Variants in NTNG1 observed in about 807,000 individuals in gnomAD.
NTNG1 encodes the protein netrin-G1.
Under a neutral mutation model 54.0 loss-of-function variants are expected in NTNG1, and 16 were observed. That is an observed-to-expected ratio of 0.30 (90% CI 0.20 to 0.45). The LOEUF (loss-of-function observed/expected upper bound fraction) is 0.45. Among genes scored for constraint, NTNG1 ranks in the 20% least tolerant of loss-of-function variants. The pLI is 1.00. For missense variants in NTNG1, 530 were observed against 678.7 expected (o/e 0.78, Z 2.43); for synonymous variants, 255 against 263.1 (o/e 0.97, Z 0.30).
At chr1:107,286,620 A>C (rs541482944) in intron 2 of NTNG1, among the ~76,000 whole-genome samples, 1 of 152,324 alleles carries the variant, frequency 6.6e-6, no homozygotes, top group East Asian at 1.9e-4. Flanking sequence ...GAATTATTTA[A>C]TAAATGGGTG....
intron 3 of NTNG1, among the ~76,000 whole-genome samples, chr1:107,340,544 G>A (rs901486121): frequency 2.6e-5 from 4 of 152,050 alleles, no homozygotes; most frequent in Admixed American, 6.6e-5. Flanking sequence ...TTGATTATTT[G>A]CTGCTTTCCT....
At position 107,324,763 on chromosome 1, in the gene NTNG1, T is replaced by C; in HGVS notation, c.728T>C (p.Leu243Pro). Residue 243 changes from leucine (L) to proline (P), a missense_variant, in exon 3 of 8, where the codon CTC becomes CCC. By Grantham distance (98) the Leu-to-Pro change is moderately conservative. Coordinates refer to ENST00000370068, the MANE Select transcript of NTNG1 (RefSeq NM_001113226.3). ...AGPRLRNMASLYGQLDTTKKL... is the reference protein window; with the variant it reads ...AGPRLRNMASPYGQLDTTKKL... Reference sequence around the variant, plus strand: ...CCTCGCCTACGCAATATGGCTTCCCTCTACGGACAGCTGGATACAACCAAG... The same window carrying C: ...CCTCGCCTACGCAATATGGCTTCCCCCTACGGACAGCTGGATACAACCAAG... 6.2e-7 allele frequency: 1 copy of C among 1,613,626 alleles called. No homozygotes were observed. The highest frequency in any genetic ancestry group is 8.5e-7 in the Non-Finnish European group (1 of 1,179,778).
intron 2 of NTNG1, among the ~76,000 whole-genome samples, chr1:107,321,084 C>T (rs1178388628): frequency 6.6e-6 from 1 of 152,042 alleles, no homozygotes; most frequent in African/African-American, 2.4e-5. Flanking sequence ...CTCTGACTTC[C>T]CAAAATAAAA....
At chr1:107,443,766 G>A (rs1048235166) in intron 7 of NTNG1, among the ~76,000 whole-genome samples, 2 of 152,026 alleles carry the variant, frequency 1.3e-5, no homozygotes, top group Non-Finnish European at 2.9e-5. Flanking sequence ...CTACAAGTTG[G>A]TCTCATCAAT....
intron 2 of NTNG1, among the ~76,000 whole-genome samples, chr1:107,174,762 C>G (rs1276042875): frequency 6.6e-6 from 1 of 150,570 alleles, no homozygotes; most frequent in Non-Finnish European, 1.5e-5. Context: ...TTTTAGTTGT[C>G]TACCTAATTT....
intron 1 of NTNG1, among the ~76,000 whole-genome samples, chr1:107,142,046 A>C (rs1653770067): frequency 6.6e-6 from 1 of 152,116 alleles, no homozygotes; most frequent in Admixed American, 6.5e-5. Context: ...GGGAAATTGA[A>C]AGAGGAAGAC....
At chr1:107,389,976 G>A (rs1672266402) in intron 3 of NTNG1, among the ~76,000 whole-genome samples, 2 of 152,188 alleles carry the variant, frequency 1.3e-5, no homozygotes, top group Non-Finnish European at 1.5e-5. Context: ...GAGGCCGGAG[G>A]TCACAGCACC....
chr1:107,141,278 C>G (rs1270482704), intron 1 of NTNG1, 138 bp downstream of exon 1: 1 of 151,144 alleles, frequency 6.6e-6, no homozygotes, highest in Non-Finnish European at 1.5e-5. Context: ...CCACCCCTCC[C>G]GCTCCGCCCG....
At chr1:107,420,186 C>T (rs1674486049) in intron 5 of NTNG1, among the ~76,000 whole-genome samples, 1 of 152,062 alleles carries the variant, frequency 6.6e-6, no homozygotes, top group South Asian at 2.1e-4. Flanking sequence ...AATTATTTTG[C>T]TGTGCTGTCT....
chr1:107,349,943 G>A (rs1329070433), intron 3 of NTNG1, among the ~76,000 whole-genome samples: 6 of 152,072 alleles, frequency 3.9e-5, no homozygotes, highest in African/African-American at 1.4e-4. Context: ...ACCTTGGAAG[G>A]GATAGGTAAG....
Position 107,436,556 on chromosome 1 carries a change from A to G in NTNG1, c.1256-109A>G, listed in dbSNP as rs548807993. ...ATTTGCCGAAGCATTTCATTAATGG[A>G]CATCTTTCTTTAAGTAAGTGATGCA... On this transcript the variant is annotated intron_variant, in intron 6 of 7. Coordinates refer to ENST00000370068, the MANE Select transcript of NTNG1 (RefSeq NM_001113226.3). 669 of 835,664 alleles carry G rather than the reference A, an allele frequency of 8.0e-4. 7 individuals are homozygous for G. In the South Asian group the frequency reaches 0.021, roughly 26 times the overall value. The allele number at this position is 835,664 out of a possible 1,614,324, so 51.8% of individuals were successfully genotyped here.
chr1:107,464,837 G>A, intron 7 of NTNG1, among the ~76,000 whole-genome samples: 1 of 152,108 alleles, frequency 6.6e-6, no homozygotes, highest in East Asian at 1.9e-4. Context: ...TACAGTTTTA[G>A]TTTAATACTT....
intron 3 of NTNG1, among the ~76,000 whole-genome samples, chr1:107,348,210 C>G (rs954353100): frequency 6.6e-6 from 1 of 152,052 alleles, no homozygotes; most frequent in Non-Finnish European, 1.5e-5. Context: ...ACTGTGAACT[C>G]CACCTCCTGG....
At chr1:107,342,821 T>C (rs1302578440) in intron 3 of NTNG1, among the ~76,000 whole-genome samples, 1 of 151,994 alleles carries the variant, frequency 6.6e-6, no homozygotes, top group Non-Finnish European at 1.5e-5. Context: ...CCTACAGTGT[T>C]CTAAAATTGT....
chr1:107,234,469 T>G (rs1164083020), intron 2 of NTNG1, among the ~76,000 whole-genome samples: 1 of 152,130 alleles, frequency 6.6e-6, no homozygotes, highest in Non-Finnish European at 1.5e-5. Flanking sequence ...GATAGTCATT[T>G]TTCATGCTTA....
In NTNG1 at chr1:107,277,362, C is replaced by T. The variant is rs1458508429; in HGVS notation, c.247-46920C>T. ...ATGGTGACCACAGTGGCTTGAAACC[C>T]TTGAGGCAGTAGGGAATGTCCTTTA... On this transcript the variant is annotated intron_variant, in intron 2 of 7. Coordinates refer to ENST00000370068, the MANE Select transcript of NTNG1 (RefSeq NM_001113226.3). Among the ~76,000 whole-genome samples the T allele has an allele frequency of 3.3e-5, 5 of 152,118 alleles. No individual in the cohort carries two copies. The East Asian group carries it at 9.6e-4, about 29-fold the overall frequency.
In NTNG1 at chr1:107,148,472, C is replaced by T; in HGVS notation, c.-122C>T. 1.1e-6 allele frequency: 1 copy of T among 898,740 alleles called. No homozygotes were observed. The highest frequency in any genetic ancestry group is 1.7e-5 in the African/African-American group (1 of 59,752). The allele number at this position is 898,740 out of a possible 1,614,324, so 55.7% of individuals were successfully genotyped here. A position where few individuals can be genotyped will look rare whatever the true frequency, so the allele number is the denominator to read the frequency against. Reference sequence around the variant, plus strand: ...TCCCATCTTCATTTAAAAAAAAATACAGAGACCTACCTACCCGTACGCATA... The same window carrying T: ...TCCCATCTTCATTTAAAAAAAAATATAGAGACCTACCTACCCGTACGCATA... On this transcript the variant is annotated 5_prime_UTR_variant, in exon 2 of 8. Transcript: ENST00000370068.
chr1:107,381,605 T>C (rs1671651717), intron 3 of NTNG1, among the ~76,000 whole-genome samples: 1 of 152,312 alleles, frequency 6.6e-6, no homozygotes, highest in African/African-American at 2.4e-5. Flanking sequence ...GTCTAGCTCA[T>C]TCAGGTTGGG....
At chr1:107,445,465 T>C (rs535085356) in intron 7 of NTNG1, among the ~76,000 whole-genome samples, 1 of 152,284 alleles carries the variant, frequency 6.6e-6, no homozygotes, top group South Asian at 2.1e-4. Context: ...CCTTTGTATG[T>C]GTCGGGAACA....
Sources: allele counts gnomAD v4.1 joint callset (sites outside exome capture counted in the v4.1 genomes callset), GRCh38; gene constraint gnomAD v4.1.1; transcripts MANE v1.5; gene names NCBI Gene and HGNC (gene_info 2026-07-23, HGNC 2026-07-21).